The following NTMT1 variants were observed in gnomAD, a reference collection of about 807,000 sequenced individuals.
NTMT1 encodes the protein N-terminal Xaa-Pro-Lys N-methyltransferase 1.
NTMT1 carries 8 observed loss-of-function variants against 17.5 expected under a neutral mutation model. The ratio of observed to expected loss-of-function variants is 0.46; its 90% CI spans 0.27 to 0.82. The LOEUF (loss-of-function observed/expected upper bound fraction) is 0.82, where lower values mean the gene tolerates loss of function less well. NTMT1 is among the 40% of genes least tolerant of loss of function. The pLI, the probability that NTMT1 is intolerant of heterozygous loss-of-function variation, is 0.15. For missense variants in NTMT1, 221 were observed against 303.5 expected (o/e 0.73, Z 2.02); for synonymous variants, 128 against 126.8 (o/e 1.01, Z -0.06).
rs1289432073 is a variant in NTMT1 at position 129,613,754 on chromosome 9, T to C, written c.-55+4576T>C. On this transcript the variant is annotated intron_variant, in intron 1 of 3. Transcript: ENST00000372486. This position sits in a 1 kb window ranked among gnomAD's most constrained non-coding sequence, Gnocchi z 6.2. ...CCTTCTGGCTGCCTCCAGAGAAGCC[T>C]TGGGTTTTAAAACCACCTTGCGTGA... 6.6e-6 allele frequency among the ~76,000 whole-genome samples: 1 copy of C among 152,156 alleles called. No homozygotes were observed. The highest frequency in any genetic ancestry group is 1.5e-5 in the Non-Finnish European group (1 of 68,024).
rs955857765 is a variant in NTMT1 at position 129,613,686 on chromosome 9, C to T, written c.-55+4508C>T. ...TTTTCCTCCCTCTGGCAGGCAGGGCCGGTCAGAGCCCTGTCTCCATGGCAA... is the reference window on the plus strand; with the variant it reads ...TTTTCCTCCCTCTGGCAGGCAGGGCTGGTCAGAGCCCTGTCTCCATGGCAA... On this transcript the variant is annotated intron_variant, in intron 1 of 3. Transcript: ENST00000372486. This position sits in a 1 kb window ranked among gnomAD's most constrained non-coding sequence, Gnocchi z 6.2. 9 of 1,519,184 alleles carry T rather than the reference C, an allele frequency of 5.9e-6. No homozygotes were observed. The highest frequency in any genetic ancestry group is 1.8e-5 in the Admixed American group (1 of 56,270). The allele number at this position is 1,519,184 out of a possible 1,614,324, so 94.1% of individuals were successfully genotyped here. A position where few individuals can be genotyped will look rare whatever the true frequency, so the allele number is the denominator to read the frequency against.
chr9:129,618,838 G>A (rs1222799300), intron 1 of NTMT1, among the ~76,000 whole-genome samples: 4 of 149,700 alleles, frequency 2.7e-5, no homozygotes, highest in Admixed American at 1.3e-4. Context: ...GACTACAGGC[G>A]CCCGCCACCA....
At chr9:129,619,788 C>A (rs748825749) in intron 1 of NTMT1, 3 of 1,613,990 alleles carry the variant, frequency 1.9e-6, no homozygotes, top group Non-Finnish European at 2.5e-6. Context: ...AGACCCTGGG[C>A]AGTGCTCTAA....
Position 129,620,141 on chromosome 9 carries a change from T to A in NTMT1, c.-55+10963T>A. The A allele has an allele frequency of 2.1e-6, 3 of 1,452,294 alleles. No homozygotes were observed. Among genetic ancestry groups the A allele is most frequent in the Non-Finnish European group, 2.7e-6 (3 of 1,099,124 alleles). The allele number at this position is 1,452,294 out of a possible 1,614,324, so 90.0% of individuals were successfully genotyped here. A position where few individuals can be genotyped will look rare whatever the true frequency, so the allele number is the denominator to read the frequency against. On this transcript the variant is annotated intron_variant, in intron 1 of 3. Coordinates refer to the NTMT1 transcript ENST00000372486. This position sits in a 1 kb window ranked among gnomAD's most constrained non-coding sequence, Gnocchi z 5.8. ...CTCACGGAACCTGCTGGGGAGGAGC[T>A]CTCCTAGGAAGGCGCCCAAGAAGTC...
intron 1 of NTMT1, among the ~76,000 whole-genome samples, chr9:129,611,198 A>G (rs187876960): frequency 4.6e-5 from 7 of 152,162 alleles, no homozygotes; most frequent in Non-Finnish European, 8.8e-5. Context: ...GCCATTAAAC[A>G]AGGCGCCAGG....
At position 129,634,310 on chromosome 9, in the gene NTMT1, AGG is replaced by A; in HGVS notation, c.415+6_415+7del. 6.3e-7 allele frequency: 1 copy of A among 1,590,968 alleles called. No individual in the cohort carries two copies. The highest frequency in any genetic ancestry group is 8.6e-7 in the Non-Finnish European group (1 of 1,165,982). ...ATCTGGATCCAGTGGGTGATAGGTG[AGG>A]GTTCCACCGCCCTTCCCTGCTCACC... On this transcript the variant is annotated splice_donor_5th_base_variant and intron_variant, in intron 3 of 3. Coordinates refer to ENST00000372483, the MANE Select transcript of NTMT1 (RefSeq NM_014064.4).
At chr9:129,619,515 C>CT in intron 1 of NTMT1, 2 of 1,606,052 alleles carry the variant, frequency 1.2e-6, no homozygotes, top group Non-Finnish European at 1.7e-6. Flanking sequence ...CCGCCCATCA[C>CT]TCACTGGTTG....
chr9:129,634,589 C>T, intron 3 of NTMT1: 1 of 387,882 alleles, frequency 2.6e-6, no homozygotes, highest in Non-Finnish European at 4.6e-6. Flanking sequence ...CAATAACTTA[C>T]TGCATTCAAA....
At chr9:129,611,256 G>A (rs1385965118) in intron 1 of NTMT1, among the ~76,000 whole-genome samples, 3 of 152,212 alleles carry the variant, frequency 2.0e-5, no homozygotes, top group Non-Finnish European at 4.4e-5. Flanking sequence ...TGGCGAGAAA[G>A]ACCCGGATCC....
At chr9:129,626,822 T>G (rs2118920903) in intron 1 of NTMT1, among the ~76,000 whole-genome samples, 1 of 152,344 alleles carries the variant, frequency 6.6e-6, no homozygotes, top group African/African-American at 2.4e-5. Context: ...AAGGTCAGCC[T>G]GTCTGCAGGG....
At chr9:129,630,106 C>A (rs1453176882) in intron 1 of NTMT1, among the ~76,000 whole-genome samples, 1 of 152,184 alleles carries the variant, frequency 6.6e-6, no homozygotes, top group African/African-American at 2.4e-5. Flanking sequence ...CTGGAAAGTT[C>A]CTTCTCTTTC....
At chr9:129,609,989 TGTA>T (rs1009696959) in intron 1 of NTMT1, among the ~76,000 whole-genome samples, 4 of 149,232 alleles carry the variant, frequency 2.7e-5, no homozygotes, top group Non-Finnish European at 4.5e-5. Context: ...GTTTTGTCTG[TGTA>T]CCGTGTGGGT....
At chr9:129,621,440 T>C (rs1830707634), upstream of NTMT1, among the ~76,000 whole-genome samples, 1 of 152,234 alleles carries the variant, frequency 6.6e-6, no homozygotes, top group Non-Finnish European at 1.5e-5. Context: ...CACTGCAGCC[T>C]CAAATTCTTG....
upstream of NTMT1, among the ~76,000 whole-genome samples, chr9:129,624,096 A>T (rs1207159329): frequency 2.0e-5 from 3 of 151,740 alleles, no homozygotes; most frequent in Non-Finnish European, 4.4e-5. Flanking sequence ...GCCTGGCCTA[A>T]CTAGATGGTT....
chr9:129,620,375 G>T lies in NTMT1; in HGVS notation c.-55+11197G>T. 8.1e-7 allele frequency: 1 copy of T among 1,228,554 alleles called. No homozygotes were observed. The highest frequency in any genetic ancestry group is 1.0e-6 in the Non-Finnish European group (1 of 986,434). The allele number at this position is 1,228,554 out of a possible 1,614,324, so 76.1% of individuals were successfully genotyped here. A position where few individuals can be genotyped will look rare whatever the true frequency, so the allele number is the denominator to read the frequency against. On this transcript the variant is annotated intron_variant, in intron 1 of 3. Coordinates refer to the NTMT1 transcript ENST00000372486. The surrounding 1 kb of genome is among the most constrained non-coding windows in gnomAD (Gnocchi z 5.8). ...GCGTCCGACGCCCACCCCGGGCTTG[G>T]CGTCCCCTTCCGGCCACCACGCGGC...
chr9:129,634,972 C>T lies in NTMT1; in HGVS notation c.416-236C>T, dbSNP rs552653234. The T allele has an allele frequency of 2.1e-4, 115 of 548,708 alleles. 1 individual carries two copies. The South Asian group carries it at 2.5e-3, about 12-fold the overall frequency. The allele number at this position is 548,708 out of a possible 1,614,324, so 34.0% of individuals were successfully genotyped here. On this transcript the variant is annotated intron_variant, in intron 3 of 3. Transcript: ENST00000372483. ...ATCAGGCAGGACTTGTAAGCCATCC[C>T]GTCAAGTCAAATTCTGGCTTAATGT...
intron 3 of NTMT1, chr9:129,634,972 C>A: frequency 1.8e-6 from 1 of 548,710 alleles, no homozygotes; most frequent in East Asian, 3.1e-5. Context: ...TAAGCCATCC[C>A]GTCAAGTCAA....
rs1831467657 is a variant in NTMT1, at chr9:129,635,224, G to A, written c.432G>A (p.Gln144=). The A allele has an allele frequency of 6.2e-7, 1 of 1,610,550 alleles. No homozygotes were observed. The highest frequency in any genetic ancestry group is 1.1e-5 in the South Asian group (1 of 91,064). The stretch of plus-strand genomic sequence containing the variant: ...CCTCCCCAGGCCACCTCACCGATCA[G>A]CACCTGGCCGAGTTCCTGCGGCGCT... The part of the protein sequence containing the change: ...IQWVIGHLTD[Q]HLAEFLRRCK... The change falls in exon 4 of 4, where the codon CAG becomes CAA. Residue 144 remains glutamine (Q), a synonymous_variant. Transcript: ENST00000372483.
At chr9:129,633,021 C>T (rs561499582) in intron 2 of NTMT1, 156 bp downstream of exon 2, 312 of 763,294 alleles carry the variant, frequency 4.1e-4, no homozygotes, top group Admixed American at 7.5e-4. Context: ...GCTGGGTGGG[C>T]ACAGTGGGGT....
Sources: gnomAD v4.1 joint callset for allele counts (sites outside exome capture counted in the v4.1 genomes callset) on GRCh38, gnomAD v4.1.1 for gene constraint, Gnocchi (gnomAD v3.1) non-coding constraint, MANE v1.5 for transcripts, NCBI Gene and HGNC (gene_info 2026-07-23, HGNC 2026-07-21) for gene names.